The following PLEKHA4 variants were observed in gnomAD, a reference collection of about 807,000 sequenced individuals.
PLEKHA4 encodes the protein pleckstrin homology domain-containing family A member 4.
A neutral mutation model predicts 94.7 loss-of-function variants in PLEKHA4; 73 were observed. The ratio of observed to expected loss-of-function variants is 0.77; its 90% CI spans 0.64 to 0.94. The LOEUF (loss-of-function observed/expected upper bound fraction) is 0.94. Ranked by LOEUF, PLEKHA4 falls within the 40% of genes least tolerant of loss-of-function variation. The pLI is 0.00. For synonymous variants in PLEKHA4, 449 were observed against 437.1 expected (o/e 1.03, Z -0.34); for missense variants, 1,049 against 1,054.1 (o/e 1.00, Z 0.07).
chr19:48,863,564 G>C (rs553095149), intron 3 of PLEKHA4, among the ~76,000 whole-genome samples: 2 of 151,566 alleles, frequency 1.3e-5, no homozygotes, highest in Non-Finnish European at 2.9e-5. Flanking sequence ...CCAAGTAGCT[G>C]GGACTGCAGG....
chr19:48,863,862 G>A (rs1460718070), intron 3 of PLEKHA4, among the ~76,000 whole-genome samples: 5 of 152,106 alleles, frequency 3.3e-5, no homozygotes, highest in Non-Finnish European at 7.4e-5. Context: ...GTCAGCCATC[G>A]TGCCCAGCCC....
chr19:48,848,160 T>A, intron 13 of PLEKHA4, 120 bp from the exon 14 acceptor site: 1 of 1,162,564 alleles, frequency 8.6e-7, no homozygotes, highest in South Asian at 1.4e-5. Context: ...GGGATTTATT[T>A]TTTTTCCCAT....
At chr19:48,849,196 G>A (rs1021350743) in intron 13 of PLEKHA4, among the ~76,000 whole-genome samples, 6 of 151,472 alleles carry the variant, frequency 4.0e-5, no homozygotes, top group Non-Finnish European at 8.8e-5. Context: ...GTGAGCCACT[G>A]CAGCTGGCAT....
intron 9 of PLEKHA4, among the ~76,000 whole-genome samples, chr19:48,856,190 GGAAGGAAA>G (rs1197682149): frequency 6.9e-6 from 1 of 144,926 alleles, no homozygotes; most frequent in African/African-American, 2.5e-5. Flanking sequence ...AAAAGAAAAA[GGAAGGAAA>G]GAAGGAAAGA....
In PLEKHA4 at chr19:48,837,351, C is replaced by T. The variant is rs1437716831; in HGVS notation, c.2278G>A (p.Val760Ile). 1 of 1,613,754 alleles carries T rather than the reference C, an allele frequency of 6.2e-7. No homozygotes were observed. Among genetic ancestry groups the T allele is most frequent in the Non-Finnish European group, 8.5e-7 (1 of 1,180,008 alleles). Reference protein sequence around the residue: ...PAWDAGIAPPVLPQDEGAWPL... With the variant: ...PAWDAGIAPPILPQDEGAWPL... ...CATGCCCCCTCGTCTTGTGGCAGGA[C>T]CGGAGGGGCGATCCCGGCATCCCAC... is the stretch of plus-strand genomic sequence containing the variant. The change falls in exon 20 of 20, where the codon GTC becomes ATC. Residue 760 changes from valine (V) to isoleucine (I), a missense_variant. By Grantham distance (29) the Val-to-Ile change is conservative. Transcript: ENST00000263265. This position sits in a 1 kb window ranked among gnomAD's most constrained non-coding sequence, Gnocchi z 4.3.
At chr19:48,839,396 C>G (rs766956967) in intron 17 of PLEKHA4, 133 bp from the exon 18 acceptor site, 12 of 519,814 alleles carry the variant, frequency 2.3e-5, no homozygotes, top group Non-Finnish European at 3.7e-5. Context: ...TTTGTTTTTC[C>G]TATGCTTCTG....
At position 48,867,707 on chromosome 19, in the gene PLEKHA4, A is replaced by G. The variant is rs931586245; in HGVS notation, c.-6-81T>C. Reference sequence around the variant, plus strand: ...ATGGGGTCAGGGGCTTGGAGGTCGGAGGAGGCTGCAGAGAAAGAGCCTGTT... The same window carrying G: ...ATGGGGTCAGGGGCTTGGAGGTCGGGGGAGGCTGCAGAGAAAGAGCCTGTT... On this transcript the variant is annotated intron_variant, in intron 1 of 19. Transcript: ENST00000263265. This position sits in a 1 kb window ranked among gnomAD's most constrained non-coding sequence, Gnocchi z 4.7. The G allele has an allele frequency of 3.1e-5, 41 of 1,304,920 alleles. No individual in the cohort carries two copies. The highest frequency in any genetic ancestry group is 4.0e-5 in the Non-Finnish European group (37 of 936,652). The allele number at this position is 1,304,920 out of a possible 1,614,324, so 80.8% of individuals were successfully genotyped here.
intron 3 of PLEKHA4, 66 bp downstream of exon 3, chr19:48,865,437 G>GGA: frequency 8.2e-7 from 1 of 1,221,668 alleles, no homozygotes; most frequent in Admixed American, 1.9e-5. Flanking sequence ...GGACTTGCAA[G>GGA]GAGAGAGACA....
At chr19:48,861,027 C>A (rs748210654) in intron 5 of PLEKHA4, among the ~76,000 whole-genome samples, 1 of 151,832 alleles carries the variant, frequency 6.6e-6, no homozygotes, top group African/African-American at 2.4e-5. Context: ...GCCAACATGG[C>A]GAAACCCCAT....
At chr19:48,852,598 A>C (rs2036240686) in intron 12 of PLEKHA4, among the ~76,000 whole-genome samples, 1 of 152,160 alleles carries the variant, frequency 6.6e-6, no homozygotes, top group Non-Finnish European at 1.5e-5. Flanking sequence ...CCTAGGTAGC[A>C]GAGTCTACAG....
intron 12 of PLEKHA4, among the ~76,000 whole-genome samples, chr19:48,852,680 C>T (rs1599895277): frequency 6.6e-6 from 1 of 151,996 alleles, no homozygotes; most frequent in East Asian, 1.9e-4. Context: ...GGCCTTTAAT[C>T]CCAGCTATTT....
At chr19:48,852,446 C>T (rs2036236355) in intron 12 of PLEKHA4, 120 bp from the exon 13 acceptor site, 2 of 710,624 alleles carry the variant, frequency 2.8e-6, no homozygotes, top group Non-Finnish European at 2.4e-6. Flanking sequence ...GCCCTGCAGG[C>T]GTATGGACTA....
At chr19:48,865,657 T>G in intron 2 of PLEKHA4, 47 bp from the exon 3 acceptor site, 1 of 1,399,418 alleles carries the variant, frequency 7.1e-7, no homozygotes, top group Non-Finnish European at 1.0e-6. Context: ...CCTAGGATGG[T>G]CCTGGGAGGG....
At chr19:48,854,335 ACGC>A in intron 9 of PLEKHA4, 71 bp from the exon 10 acceptor site, 1 of 1,358,048 alleles carries the variant, frequency 7.4e-7, no homozygotes, top group Non-Finnish European at 1.1e-6. Flanking sequence ...GTGCTGAGCC[ACGC>A]CCTGTCTCTA....
chr19:48,837,467 G>T lies in PLEKHA4; in HGVS notation c.2162C>A (p.Pro721His), dbSNP rs747956759. Residue 721 changes from proline to histidine, a missense_variant, in exon 20 of 20, where the codon CCC becomes CAC. By Grantham distance (77) the Pro-to-His change is moderately conservative. Transcript: ENST00000263265. The surrounding 1 kb of genome is among the most constrained non-coding windows in gnomAD (Gnocchi z 4.3). The stretch of plus-strand genomic sequence containing the variant: ...CGAATTAGCCACCGGGGGAGATCTG[G>T]GGGGAGGGGTCTCCTGGCGCGTGGG... ...SDPTRQETPPPRSPPVANSGS... is the reference protein window; with the variant it reads ...SDPTRQETPPHRSPPVANSGS... 1.9e-6 allele frequency: 3 copies of T among 1,613,238 alleles called. No individual in the cohort carries two copies. The Admixed American group carries it at 5.0e-5, about 27-fold the overall frequency.
intron 6 of PLEKHA4, 57 bp downstream of exon 6, chr19:48,860,293 G>A: frequency 6.9e-7 from 1 of 1,456,732 alleles, no homozygotes; most frequent in South Asian, 1.1e-5. Flanking sequence ...GAGGAGTTGG[G>A]ATGACGAGAC....
Position 48,867,643 on chromosome 19 carries a change from A to T in PLEKHA4, c.-6-17T>A. On this transcript the variant is annotated splice_polypyrimidine_tract_variant and intron_variant, in intron 1 of 19. Coordinates refer to ENST00000263265, the MANE Select transcript of PLEKHA4 (RefSeq NM_020904.3). This position sits in a 1 kb window ranked among gnomAD's most constrained non-coding sequence, Gnocchi z 4.7. The stretch of plus-strand genomic sequence containing the variant: ...CATCAAGGGCTGGGGGAGAGAAAGA[A>T]AGGGGCTGTGTCTCTGCAGTGACGG... 10 of 1,575,796 alleles carry T rather than the reference A, an allele frequency of 6.3e-6. No individual in the cohort carries two copies. The highest frequency in any genetic ancestry group is 5.4e-5 in the African/African-American group (4 of 74,624).
chr19:48,865,071 C>T lies in PLEKHA4; in HGVS notation c.192+432G>A, dbSNP rs139377083. ...AAAGAATGAATGAATGGGCCAGGCA[C>T]GGTGGCTCACGCCTGTAATCCCAGC... is the stretch of plus-strand genomic sequence containing the variant. On this transcript the variant is annotated intron_variant, in intron 3 of 19. Transcript: ENST00000263265. Among the ~76,000 whole-genome samples, 128 of 152,240 alleles carry T rather than the reference C, an allele frequency of 8.4e-4. 1 individual carries two copies. The highest frequency in any genetic ancestry group is 3.1e-3 in the African/African-American group (127 of 41,556).
In PLEKHA4 at chr19:48,859,774, C is replaced by CA. The variant is rs1443755859; in HGVS notation, c.477-91dup. ...ACAGGTGAGAACACAAGGATGCACCCAAAAAAGGAAAGTTGTGCACTATAA... is the reference window on the plus strand; with the variant it reads ...ACAGGTGAGAACACAAGGATGCACCCAAAAAAAGGAAAGTTGTGCACTATAA... On this transcript the variant is annotated intron_variant, in intron 6 of 19. Coordinates refer to ENST00000263265, the MANE Select transcript of PLEKHA4 (RefSeq NM_020904.3). The CA allele has an allele frequency of 4.9e-6, 6 of 1,213,316 alleles. 1 individual carries two copies. In the South Asian group the frequency reaches 6.7e-5, roughly 13 times the overall value. 75.2% of individuals were successfully genotyped at this position (1,213,316 alleles called of 1,614,324 possible).
Sources: allele counts gnomAD v4.1 joint callset (sites outside exome capture counted in the v4.1 genomes callset), GRCh38; gene constraint gnomAD v4.1.1; non-coding constraint Gnocchi (gnomAD v3.1); transcripts MANE v1.5; gene names NCBI Gene and HGNC (gene_info 2026-07-23, HGNC 2026-07-21).